Variants in CHST11 observed in about 807,000 individuals in gnomAD.
The protein encoded by CHST11 is carbohydrate sulfotransferase 11.
In CHST11, 9 loss-of-function variants were observed where a neutral mutation model predicts 30.4. The ratio of observed to expected loss-of-function variants is 0.30; its 90% CI spans 0.18 to 0.52. The LOEUF (loss-of-function observed/expected upper bound fraction) is 0.52, where lower values mean the gene tolerates loss of function less well. Ranked by LOEUF, CHST11 falls within the 20% of genes least tolerant of loss-of-function variation. The pLI is 0.97. For synonymous variants in CHST11, 152 were observed against 187.8 expected (o/e 0.81, Z 1.56); for missense variants, 348 against 460.6 (o/e 0.76, Z 2.24).
chr12:104,462,167 C>CAAAAAAAAAAAAAAAAAAGAAAAAAAAA (rs2037415090), intron 1 of CHST11, among the ~76,000 whole-genome samples: 1 of 65,598 alleles, frequency 1.5e-5, no homozygotes, highest in African/African-American at 5.2e-5. Flanking sequence ...AACACCATCT[C>CAAAAAAAAAAAAAAAAAAGAAAAAAAAA]AAAAAAAAAA....
At chr12:104,684,833 G>GCCA (rs1386946665) in intron 2 of CHST11, among the ~76,000 whole-genome samples, 1 of 152,168 alleles carries the variant, frequency 6.6e-6, no homozygotes, top group Non-Finnish European at 1.5e-5. Flanking sequence ...ACAGGCATGA[G>GCCA]CCACCACCAC....
intron 2 of CHST11, among the ~76,000 whole-genome samples, chr12:104,732,721 G>A (rs549703860): frequency 2.6e-4 from 40 of 152,220 alleles, no homozygotes; most frequent in East Asian, 7.7e-4. Context: ...TGCTGTCACC[G>A]GGGCATTTGC....
At chr12:104,685,903 GTT>G (rs2039842045) in intron 2 of CHST11, among the ~76,000 whole-genome samples, 1 of 152,074 alleles carries the variant, frequency 6.6e-6, no homozygotes, top group East Asian at 1.9e-4. Context: ...AGACTCTGGT[GTT>G]TTCTGATGGT....
At chr12:104,485,298 G>A (rs759303652) in intron 1 of CHST11, among the ~76,000 whole-genome samples, 9 of 152,244 alleles carry the variant, frequency 5.9e-5, no homozygotes, top group South Asian at 2.1e-4. Context: ...ATAAAAAATC[G>A]GGAACACGAA....
At chr12:104,513,939 G>A (rs2037995262) in intron 1 of CHST11, 1 of 540,456 alleles carries the variant, frequency 1.9e-6, no homozygotes. Context: ...ACCTGAGGCT[G>A]AGTCATTTTT....
chr12:104,614,631 G>A (rs1032231993), intron 2 of CHST11, among the ~76,000 whole-genome samples: 1 of 152,112 alleles, frequency 6.6e-6, no homozygotes, highest in Admixed American at 6.5e-5. Flanking sequence ...CTAGGCATGT[G>A]TATGTGTGTG....
intron 2 of CHST11, among the ~76,000 whole-genome samples, chr12:104,750,408 C>CCA (rs2136144970): frequency 9.9e-6 from 1 of 101,506 alleles, no homozygotes; most frequent in African/African-American, 3.7e-5. Flanking sequence ...TAGTTGTGTA[C>CCA]CTGGTTTTAT....
chr12:104,757,543 C>T lies in CHST11; in HGVS notation c.799C>T (p.His267Tyr), dbSNP rs1296431757. 6.2e-7 allele frequency: 1 copy of T among 1,614,172 alleles called. No individual in the cohort carries two copies. The highest frequency in any genetic ancestry group is 1.1e-5 in the South Asian group (1 of 91,088). Residue 267 changes from histidine (H) to tyrosine (Y), a missense_variant, in exon 3 of 3, where the codon CAT (histidine) becomes TAT (tyrosine). Physicochemically the swap from His to Tyr is moderately conservative, Grantham distance 83. Around this residue, in one of 3 missense-constraint regions of CHST11, gnomAD observed 210 missense variants for 287.2 expected, o/e 0.73. Coordinates refer to ENST00000303694, the MANE Select transcript of CHST11 (RefSeq NM_018413.6). This position sits in a 1 kb window ranked among gnomAD's most constrained non-coding sequence, Gnocchi z 6.5. ...CTGGCAAACCGTCTACTCACTCTGC[C>T]ATCCCTGCCACATCCACTATGACCT... The part of the protein sequence containing the change: ...EHWQTVYSLC[H>Y]PCHIHYDLVG...
At chr12:104,552,479 A>T (rs1011529979) in intron 1 of CHST11, 1 of 151,394 alleles carries the variant, frequency 6.6e-6, no homozygotes, top group Non-Finnish European at 1.5e-5. Flanking sequence ...CTAATTTTTC[A>T]TTTTTTTGTA....
chr12:104,665,445 G>C (rs1486910529), intron 2 of CHST11, among the ~76,000 whole-genome samples: 1 of 152,150 alleles, frequency 6.6e-6, no homozygotes, highest in Non-Finnish European at 1.5e-5. Context: ...GTAGTTGAAT[G>C]TAACAGTGAC....
chr12:104,461,114 A>G (rs2037403817), intron 1 of CHST11, among the ~76,000 whole-genome samples: 1 of 152,114 alleles, frequency 6.6e-6, no homozygotes, highest in African/African-American at 2.4e-5. Context: ...CTGGTGGGGA[A>G]ACTTCCTGCC....
At position 104,758,167 on chromosome 12, in the gene CHST11, A is replaced by T. The variant is rs968462040; in HGVS notation, c.*364A>T. The stretch of plus-strand genomic sequence containing the variant: ...AGCAAAATTCTAACATCTTTCCAGA[A>T]GAAATCTATGATTCCTGCTTTGCTT... On this transcript the variant is annotated 3_prime_UTR_variant, in exon 3 of 3. Transcript: ENST00000303694. 14 of 175,166 alleles carry T rather than the reference A, an allele frequency of 8.0e-5. No homozygotes were observed. The highest frequency in any genetic ancestry group is 1.5e-4 in the Non-Finnish European group (12 of 82,744). The allele number at this position is 175,166 out of a possible 1,614,324, so 10.9% of individuals were successfully genotyped here.
At chr12:104,715,920 A>T (rs908746455) in intron 2 of CHST11, among the ~76,000 whole-genome samples, 6 of 152,308 alleles carry the variant, frequency 3.9e-5, no homozygotes, top group Admixed American at 3.9e-4. Flanking sequence ...AACCTGACCT[A>T]TAGCAGTATT....
Position 104,541,619 on chromosome 12 carries a change from A to G in CHST11, c.119-60287A>G, listed in dbSNP as rs529500933. On this transcript the variant is annotated intron_variant, in intron 1 of 2. Transcript: ENST00000303694. The stretch of plus-strand genomic sequence containing the variant: ...TTCAAATCCCCCTGTTGGGCATAGG[A>G]TATTTACTTTGAATGAATTTGTCTG... Among the ~76,000 whole-genome samples, 5 of 152,208 alleles carry G rather than the reference A, an allele frequency of 3.3e-5. No homozygotes were observed. In the South Asian group the frequency reaches 1.0e-3, roughly 32 times the overall value.
chr12:104,678,237 G>A (rs2039761294), intron 2 of CHST11, among the ~76,000 whole-genome samples: 1 of 152,146 alleles, frequency 6.6e-6, no homozygotes, highest in African/African-American at 2.4e-5. Flanking sequence ...ATAACATATT[G>A]TAAAGGTTTG....
intron 2 of CHST11, among the ~76,000 whole-genome samples, chr12:104,690,908 T>G (rs1416377566): frequency 6.6e-6 from 1 of 152,158 alleles, no homozygotes; most frequent in Non-Finnish European, 1.5e-5. Context: ...CAAAACAGGA[T>G]TTTCACAAGT....
chr12:104,584,163 T>A (rs1427650466), intron 1 of CHST11, among the ~76,000 whole-genome samples: 1 of 152,262 alleles, frequency 6.6e-6, no homozygotes, highest in Non-Finnish European at 1.5e-5. Flanking sequence ...TCTGGCATTA[T>A]GTTGAGTCAT....
In CHST11 at chr12:104,759,962, G is replaced by A. The variant is rs1217249105; in HGVS notation, c.*2159G>A. ...TTCTACAGAACACAGGTTCCAGGAG[G>A]CATCAGGTTGGTGTGATGCAGACTA... is the stretch of plus-strand genomic sequence containing the variant. On this transcript the variant is annotated 3_prime_UTR_variant, in exon 3 of 3. Transcript: ENST00000303694. The A allele has an allele frequency of 2.6e-5, 4 of 152,172 alleles. No individual in the cohort carries two copies. Among genetic ancestry groups the A allele is most frequent in the Admixed American group, 1.3e-4 (2 of 15,278 alleles). The allele number at this position is 152,172 out of a possible 1,614,324, so 9.4% of individuals were successfully genotyped here.
rs2040248518 is a variant in CHST11 at position 104,730,539 on chromosome 12, G to C, written c.205-26410G>C. On this transcript the variant is annotated intron_variant, in intron 2 of 2. Transcript: ENST00000303694. Reference sequence around the variant, plus strand: ...GAAATAGCCTCCTGTGACACAGTATGATGAAATGGTGTGTCTCGGATGCAG... The same window carrying C: ...GAAATAGCCTCCTGTGACACAGTATCATGAAATGGTGTGTCTCGGATGCAG... Among the ~76,000 whole-genome samples, 3 of 152,176 alleles carry C rather than the reference G, an allele frequency of 2.0e-5. No homozygotes were observed. The South Asian group carries it at 6.2e-4, about 32-fold the overall frequency.
Sources: gnomAD v4.1 joint callset for allele counts (sites outside exome capture counted in the v4.1 genomes callset) on GRCh38, gnomAD v4.1.1 for gene constraint, gnomAD v4.1.1 regional missense constraint, Gnocchi (gnomAD v3.1) non-coding constraint, MANE v1.5 for transcripts, NCBI Gene and HGNC (gene_info 2026-07-23, HGNC 2026-07-21) for gene names.